NEXMIF: variants seen among roughly 807,000 people sequenced by gnomAD.
The protein encoded by NEXMIF is XLMR protein related to neurite extension.
NEXMIF carries 8 observed loss-of-function variants against 62.1 expected under a neutral mutation model. The observed-to-expected ratio is 0.13, with a 90% CI of 0.08 to 0.23. NEXMIF has a LOEUF of 0.23. Ranked by LOEUF, NEXMIF falls within the 10% of genes least tolerant of loss-of-function variation. The pLI is 1.00. For synonymous variants in NEXMIF, 404 were observed against 416.6 expected, an observed-to-expected ratio of 0.97 and a Z score of 0.37; for missense variants, 976 against 1,113.3, an observed-to-expected ratio of 0.88 and a Z score of 1.75.
chrX:74,883,195 A>G (rs1042552343), intron 1 of NEXMIF, among the ~76,000 whole-genome samples: 5 of 111,589 alleles, frequency 4.5e-5, no homozygotes, highest in African/African-American at 1.3e-4. Context: ...AAAGATAGGG[A>G]AAAAAACAGA....
At chrX:74,880,677 C>A (rs2080659204) in intron 1 of NEXMIF, among the ~76,000 whole-genome samples, 1 of 112,122 alleles carries the variant, frequency 8.9e-6, no homozygotes, top group African/African-American at 3.2e-5. Flanking sequence ...GAAGATTAAT[C>A]ACCATTAGTC....
intron 1 of NEXMIF, among the ~76,000 whole-genome samples, chrX:74,842,784 A>G (rs1291583382): frequency 8.9e-6 from 1 of 112,084 alleles, no homozygotes; most frequent in Non-Finnish European, 1.9e-5. Flanking sequence ...TATGGTTTTG[A>G]GCAATTTTCA....
At position 74,741,255 on chromosome X, in the gene NEXMIF, C is replaced by G. The variant is rs1388842555; in HGVS notation, c.3302G>C (p.Gly1101Ala). 6 of 1,211,232 alleles carry G rather than the reference C, an allele frequency of 5.0e-6. No individual in the cohort carries two copies. The highest frequency in any genetic ancestry group is 6.7e-6 in the Non-Finnish European group (6 of 895,126). ...TLGTLKGFQE[G>A]VPGPLDSVEK... is the part of the protein sequence containing the mutation. The stretch of plus-strand genomic sequence containing the variant: ...CACACTGTCCAATGGTCCTGGGACA[C>G]CCTCTTGGAACCCCTTTAGTGTTCC... The change falls in exon 3 of 4, where the codon GGT (glycine) becomes GCT (alanine). Residue 1101 changes from glycine to alanine, a missense_variant. Coordinates refer to ENST00000055682, the MANE Select transcript of NEXMIF (RefSeq NM_001008537.3).
At chrX:74,798,209 A>G (rs1000162005) in intron 1 of NEXMIF, among the ~76,000 whole-genome samples, 2 of 111,644 alleles carry the variant, frequency 1.8e-5, no homozygotes, top group Admixed American at 9.6e-5. Context: ...TCAGCAAACC[A>G]TCATGGTTTG....
chrX:74,786,083 T>C (rs1361368404), intron 1 of NEXMIF, among the ~76,000 whole-genome samples: 2 of 112,193 alleles, frequency 1.8e-5, no homozygotes, highest in Admixed American at 9.4e-5. Flanking sequence ...TTTAAGGCCC[T>C]GGGATGAGCT....
intron 1 of NEXMIF, among the ~76,000 whole-genome samples, chrX:74,860,241 C>T (rs1312388274): frequency 9.0e-6 from 1 of 111,701 alleles, no homozygotes; most frequent in African/African-American, 3.2e-5. Context: ...AATACTGGAG[C>T]ACCCAGATAT....
At chrX:74,830,658 A>G (rs1317028324) in intron 1 of NEXMIF, among the ~76,000 whole-genome samples, 1 of 112,039 alleles carries the variant, frequency 8.9e-6, no homozygotes, top group Non-Finnish European at 1.9e-5. Context: ...AAACATTTTA[A>G]CAATATTGAT....
intron 1 of NEXMIF, among the ~76,000 whole-genome samples, chrX:74,825,134 C>T (rs1168296996): frequency 1.8e-5 from 2 of 111,294 alleles, no homozygotes; most frequent in Non-Finnish European, 3.8e-5. Context: ...TTTGGCTTTC[C>T]CTAACAATTA....
intron 1 of NEXMIF, among the ~76,000 whole-genome samples, chrX:74,876,485 G>T (rs1302419780): frequency 3.6e-5 from 4 of 110,599 alleles, no homozygotes; most frequent in African/African-American, 9.9e-5. Context: ...GGGGTGGAGA[G>T]TTCTGTAGAT....
At chrX:74,829,191 G>C (rs1279835675) in intron 1 of NEXMIF, among the ~76,000 whole-genome samples, 13 of 111,762 alleles carry the variant, frequency 1.2e-4, no homozygotes, top group Non-Finnish European at 2.3e-4. Flanking sequence ...TTTATCCTTT[G>C]TGTTACAAAC....
chrX:74,920,642 T>C (rs1485694037), intron 1 of NEXMIF, among the ~76,000 whole-genome samples: 1 of 112,035 alleles, frequency 8.9e-6, no homozygotes, highest in Non-Finnish European at 1.9e-5. Context: ...TAGATCCCAT[T>C]TGTCAATTTT....
At chrX:74,796,230 A>ATATATATATATATACATATAT (rs2080309807) in intron 1 of NEXMIF, among the ~76,000 whole-genome samples, 2 of 39,796 alleles carry the variant, frequency 5.0e-5, no homozygotes, top group South Asian at 9.9e-4. Context: ...TACATATATA[A>ATATATATATATATACATATAT]TATATATATA....
chrX:74,886,503 A>C lies in NEXMIF; in HGVS notation c.-48+38380T>G, dbSNP rs183851248. 3.1e-3 allele frequency among the ~76,000 whole-genome samples: 344 copies of C among 111,423 alleles called. 4 individuals are homozygous for C. The highest frequency in any genetic ancestry group is 0.021 in the East Asian group (75 of 3,544). The stretch of plus-strand genomic sequence containing the variant: ...AATCACAAGCATTCTTATACACCAA[A>C]AACAGACAAACAGAGAGCCAAATCA... On this transcript the variant is annotated intron_variant, in intron 1 of 3. Coordinates refer to ENST00000055682, the MANE Select transcript of NEXMIF (RefSeq NM_001008537.3).
rs1196104180 is a variant in NEXMIF, at chrX:74,744,205, A to G, written c.352T>C (p.Cys118Arg). ...ATTATGGCAAATGGAGCTTTCTCAC[A>G]TTCATTGGGAAGTGACCATGTGTTC... ...GLNTWSLPNE[C>R]EKAPFAIMEP... The change falls in exon 3 of 4, where the codon TGT becomes CGT. Residue 118 changes from cysteine to arginine, a missense_variant. Cys to Arg is a radical substitution (Grantham distance 180, BLOSUM62 -3). Coordinates refer to ENST00000055682, the MANE Select transcript of NEXMIF (RefSeq NM_001008537.3). The G allele has an allele frequency of 1.7e-6, 2 of 1,209,383 alleles. No homozygotes were observed. Among genetic ancestry groups the G allele is most frequent in the Non-Finnish European group, 1.1e-6 (1 of 895,084 alleles).
At chrX:74,744,622 T>C (rs773178310) in intron 2 of NEXMIF, 145 bp from the exon 3 acceptor site, 2 of 388,692 alleles carry the variant, frequency 5.1e-6, no homozygotes, top group Non-Finnish European at 8.7e-6. Context: ...AAATAAAAAC[T>C]ACAACGTTAA....
intron 1 of NEXMIF, among the ~76,000 whole-genome samples, chrX:74,746,260 G>A (rs771947220): frequency 2.7e-5 from 3 of 111,896 alleles, no homozygotes; most frequent in South Asian, 3.7e-4. Flanking sequence ...TTGGTTTCTC[G>A]ACTTCCAGGA....
chrX:74,858,648 G>A (rs1410235088), intron 1 of NEXMIF, among the ~76,000 whole-genome samples: 1 of 111,225 alleles, frequency 9.0e-6, no homozygotes, highest in East Asian at 2.8e-4. Flanking sequence ...AATCCATCCA[G>A]GAGAAACATG....
rs780581302 is a variant in NEXMIF, at chrX:74,743,438, C to G, written c.1119G>C (p.Trp373Cys). The G allele has an allele frequency of 6.6e-6, 8 of 1,209,444 alleles. No homozygotes were observed. In the Admixed American group the frequency reaches 1.3e-4, roughly 20 times the overall value. ...TGTCCAAGTTTTTATCTTCCTCCCC[C>G]CAGATGATGCTCACATCAGGGACCT... The part of the protein sequence containing the change: ...QFKVPDVSII[W>C]GEEDKNLDKK... The change falls in exon 3 of 4, where the codon TGG (tryptophan) becomes TGC (cysteine). Residue 373 changes from tryptophan to cysteine, a missense_variant. Trp to Cys is a radical substitution (Grantham distance 215). Coordinates refer to ENST00000055682, the MANE Select transcript of NEXMIF (RefSeq NM_001008537.3).
rs1236595581 is a variant in NEXMIF at position 74,860,176 on chromosome X, T to C, written c.-48+64707A>G. Among the ~76,000 whole-genome samples, 11 of 111,442 alleles carry C rather than the reference T, an allele frequency of 9.9e-5. 1 individual carries two copies. The Admixed American group carries it at 1.0e-3, about 11-fold the overall frequency. ...CACCTATAAGAAAGTCAGTATAAAA[T>C]GATAAAGGGTTAATTCAACAAGAGG... On this transcript the variant is annotated intron_variant, in intron 1 of 3. Coordinates refer to ENST00000055682, the MANE Select transcript of NEXMIF (RefSeq NM_001008537.3).
Sources: allele counts gnomAD v4.1 joint callset (sites outside exome capture counted in the v4.1 genomes callset), GRCh38; gene constraint gnomAD v4.1.1; transcripts MANE v1.5; gene names NCBI Gene and HGNC (gene_info 2026-07-23, HGNC 2026-07-21).